DHX37: variants seen among roughly 807,000 people sequenced by gnomAD.
The protein encoded by DHX37 is probable ATP-dependent RNA helicase DHX37.
Under a neutral mutation model 134.3 loss-of-function variants are expected in DHX37, and 52 were observed. The ratio of observed to expected loss-of-function variants is 0.39; its 90% confidence interval spans 0.31 to 0.49. DHX37 has a LOEUF of 0.49. DHX37 is among the 20% of genes least tolerant of loss of function. The pLI is 0.93. For synonymous variants in DHX37, 634 were observed against 670.7 expected, an observed-to-expected ratio of 0.95 and a Z score of 0.85; for missense variants, 1,344 against 1,580.8, an observed-to-expected ratio of 0.85 and a Z score of 2.54.
At chr12:124,968,697 G>A (rs377431511) in intron 9 of DHX37, 49 bp from the exon 10 acceptor site, 53 of 1,612,366 alleles carry the variant, frequency 3.3e-5, no homozygotes, top group Admixed American at 1.0e-4. Context: ...CACGAGCTTC[G>A]GCCCAGGGCT....
At chr12:124,972,640 G>T in intron 6 of DHX37, 41 bp from the exon 7 acceptor site, 1 of 1,606,374 alleles carries the variant, frequency 6.2e-7, no homozygotes, top group Non-Finnish European at 8.5e-7. Flanking sequence ...GCCGTGCCTG[G>T]CTGGGGCTGT....
At chr12:124,978,040 A>G (rs544465505) in intron 4 of DHX37, among the ~76,000 whole-genome samples, 1 of 152,326 alleles carries the variant, frequency 6.6e-6, no homozygotes, top group Admixed American at 6.5e-5. Flanking sequence ...GGCTCACTGC[A>G]ACCTCTGCCT....
intron 6 of DHX37, among the ~76,000 whole-genome samples, chr12:124,973,693 G>T (rs1457330710): frequency 7.5e-6 from 1 of 133,732 alleles, no homozygotes; most frequent in Non-Finnish European, 1.5e-5. Flanking sequence ...CCAGGCTGAA[G>T]TGCAATGGCG....
rs374312372 is a variant in DHX37, at chr12:124,947,903, G to A, written c.3389-16C>T. ...GCCAGCAGGTCTGCAGGGGAGGGAA[G>A]GAGGACAGTGTCAGGGTGACCCTGG... On this transcript the variant is annotated splice_polypyrimidine_tract_variant and intron_variant, in intron 26 of 26. Coordinates refer to ENST00000308736, the MANE Select transcript of DHX37 (RefSeq NM_032656.4). 3.4e-5 allele frequency: 54 copies of A among 1,610,120 alleles called. No homozygotes were observed. The highest frequency in any genetic ancestry group is 4.4e-5 in the Non-Finnish European group (52 of 1,177,736).
At chr12:124,979,430 T>C (rs1437206352) in intron 4 of DHX37, among the ~76,000 whole-genome samples, 1 of 151,892 alleles carries the variant, frequency 6.6e-6, no homozygotes, top group Admixed American at 6.6e-5. Flanking sequence ...CAACCAACTA[T>C]CCAGCAACAG....
At chr12:124,950,284 C>A in intron 23 of DHX37, 41 bp from the exon 24 acceptor site, 1 of 1,610,786 alleles carries the variant, frequency 6.2e-7, no homozygotes, top group Non-Finnish European at 8.5e-7. Context: ...CCTCCTGCAG[C>A]TGCCCTCCCG....
intron 5 of DHX37, 95 bp downstream of exon 5, chr12:124,977,247 G>A (rs1259141203): frequency 7.1e-7 from 1 of 1,413,216 alleles, no homozygotes; most frequent in African/African-American, 1.4e-5. Context: ...GCAGATCCAG[G>A]ATTGGATCCT....
Position 124,965,819 on chromosome 12 carries a change from C to T in DHX37, c.1591-7G>A, listed in dbSNP as rs201822071. 489 of 1,612,270 alleles carry T rather than the reference C, an allele frequency of 3.0e-4. No individual in the cohort carries two copies. Among genetic ancestry groups the T allele is most frequent in the Non-Finnish European group, 4.0e-4 (469 of 1,179,040 alleles). On this transcript the variant is annotated splice_region_variant and splice_polypyrimidine_tract_variant and intron_variant, in intron 12 of 26. Transcript: ENST00000308736. Reference sequence around the variant, plus strand: ...AGTTGATCTGGGGCAGCACCTACGGCGAACAAGACATAGACACCTGGGCTG... The same window carrying T: ...AGTTGATCTGGGGCAGCACCTACGGTGAACAAGACATAGACACCTGGGCTG...
chr12:124,969,797 C>T (rs923349645), intron 8 of DHX37, among the ~76,000 whole-genome samples: 1 of 151,930 alleles, frequency 6.6e-6, no homozygotes, highest in African/African-American at 2.4e-5. Flanking sequence ...CACAGAGTGA[C>T]CATGGTCCAG....
chr12:124,975,660 C>A, intron 5 of DHX37, 149 bp from the exon 6 acceptor site: 1 of 764,328 alleles, frequency 1.3e-6, no homozygotes, highest in South Asian at 1.7e-5. Flanking sequence ...CTACTTTTAA[C>A]AGCAAACGGA....
chr12:124,987,322 G>A (rs957429905), intron 1 of DHX37, among the ~76,000 whole-genome samples: 11 of 152,218 alleles, frequency 7.2e-5, no homozygotes, highest in African/African-American at 1.9e-4. Context: ...CAGCCTAGGC[G>A]ACAGAGCAAG....
At chr12:124,975,312 C>T (rs913343462) in intron 6 of DHX37, 107 bp downstream of exon 6, 35 of 1,172,194 alleles carry the variant, frequency 3.0e-5, no homozygotes, top group Non-Finnish European at 4.1e-5. Flanking sequence ...TGACACTCCA[C>T]CCAGCACCCT....
At chr12:124,957,332 C>G (rs1322076511) in intron 16 of DHX37, among the ~76,000 whole-genome samples, 197 bp from the exon 17 acceptor site, 1 of 152,222 alleles carries the variant, frequency 6.6e-6, no homozygotes, top group Non-Finnish European at 1.5e-5. Context: ...TCACTCACCT[C>G]ATCCATTCAC....
rs1372440731 is a variant in DHX37 at position 124,956,740 on chromosome 12, T to C, written c.2404A>G (p.Thr802Ala). The change falls in exon 18 of 27, where the codon ACC becomes GCC. Residue 802 changes from threonine (T) to alanine (A), a missense_variant. By Grantham distance (58) the Thr-to-Ala change is moderately conservative. Around this residue, in one of 7 missense-constraint regions of DHX37, gnomAD observed 558 missense variants for 650.0 expected, o/e 0.86. Coordinates refer to ENST00000308736, the MANE Select transcript of DHX37 (RefSeq NM_032656.4). ...RQHGCLPYAI[T>A]IVASMTVREL... ...CGCACCGTCATGCTGGCCACGATGGTGATGGCATAGGGCAGGCAGCCGTGT... is the reference window on the plus strand; with the variant it reads ...CGCACCGTCATGCTGGCCACGATGGCGATGGCATAGGGCAGGCAGCCGTGT... The C allele has an allele frequency of 3.7e-6, 6 of 1,602,984 alleles. No individual in the cohort carries two copies. Among genetic ancestry groups the C allele is most frequent in the Non-Finnish European group, 3.4e-6 (4 of 1,171,906 alleles).
At chr12:124,966,941 C>T (rs35364982) in intron 11 of DHX37, 63 bp from the exon 12 acceptor site, 385,307 of 1,601,866 alleles carry the variant, frequency 0.24, 50,096 homozygotes, top group East Asian at 0.54. Context: ...AGCACACTGC[C>T]CTTTGTTGTT....
At chr12:124,965,884 A>G in intron 12 of DHX37, 72 bp from the exon 13 acceptor site, 6 of 1,549,732 alleles carry the variant, frequency 3.9e-6, no homozygotes, top group Non-Finnish European at 5.2e-6. Context: ...GTGCAGGAAG[A>G]CAGGTGCCCT....
intron 15 of DHX37, among the ~76,000 whole-genome samples, chr12:124,963,076 T>C (rs143268673): frequency 5.9e-5 from 9 of 152,074 alleles, no homozygotes; most frequent in Admixed American, 5.9e-4. Flanking sequence ...CTATCCACAA[T>C]AGCCAAGAGG....
chr12:124,950,911 T>C, intron 21 of DHX37, 107 bp from the exon 22 acceptor site: 1 of 1,403,796 alleles, frequency 7.1e-7, no homozygotes, highest in South Asian at 1.6e-5. Context: ...GCCGCAAAAG[T>C]GGGAGAGTGC....
At chr12:124,955,682 T>C (rs7297166) in intron 18 of DHX37, among the ~76,000 whole-genome samples, 7,976 of 152,358 alleles carry the variant, frequency 0.052, 270 homozygotes, top group Middle Eastern at 0.13. Flanking sequence ...TTTCCTCAAA[T>C]TAAAACTCTG....
Sources: allele counts gnomAD v4.1 joint callset (sites outside exome capture counted in the v4.1 genomes callset), GRCh38; gene constraint gnomAD v4.1.1; regional missense constraint gnomAD v4.1.1; transcripts MANE v1.5; gene names NCBI Gene and HGNC (gene_info 2026-07-23, HGNC 2026-07-21).